Variants in QTMAN observed in about 807,000 individuals in gnomAD.
QTMAN encodes the protein tRNA-queuosine alpha-mannosyltransferase.
At chr2:144,070,191 T>C in the QTMAN span, among the ~76,000 whole-genome samples, 1 of 152,262 alleles carries the variant, frequency 6.6e-6, no homozygotes, top group South Asian at 2.1e-4. Context: ...AATTGCTACA[T>C]ATATTTTTCC....
chr2:143,965,568 A>G, the QTMAN span, among the ~76,000 whole-genome samples: 1 of 152,166 alleles, frequency 6.6e-6, no homozygotes, highest in Non-Finnish European at 1.5e-5. Context: ...CCCACAAATC[A>G]GAGTTTCTCA....
At chr2:144,149,054 T>A in the QTMAN span, among the ~76,000 whole-genome samples, 1 of 151,894 alleles carries the variant, frequency 6.6e-6, no homozygotes, top group Non-Finnish European at 1.5e-5. Flanking sequence ...ATGCAGGTGA[T>A]CCATAGGCAA....
At chr2:144,301,582 T>C in the QTMAN span, among the ~76,000 whole-genome samples, 2 of 152,204 alleles carry the variant, frequency 1.3e-5, no homozygotes, top group Admixed American at 1.3e-4. Context: ...ATTTCCTAAA[T>C]AGCATTTCCA....
the QTMAN span, among the ~76,000 whole-genome samples, chr2:144,065,384 C>T: frequency 6.6e-6 from 1 of 152,204 alleles, no homozygotes; most frequent in Non-Finnish European, 1.5e-5. Flanking sequence ...CAGGTTGACC[C>T]AAATGGACTG....
At chr2:144,033,016 T>C in the QTMAN span, among the ~76,000 whole-genome samples, 1 of 152,166 alleles carries the variant, frequency 6.6e-6, no homozygotes, top group Non-Finnish European at 1.5e-5. Flanking sequence ...ATGGAAAAGA[T>C]GATGTGAAAA....
the QTMAN span, among the ~76,000 whole-genome samples, chr2:144,256,741 T>C: frequency 3.3e-5 from 5 of 151,902 alleles, no homozygotes; most frequent in African/African-American, 9.7e-5. Context: ...GGAAAGGCAT[T>C]AGGAAAAATA....
At chr2:144,112,621 C>T in the QTMAN span, among the ~76,000 whole-genome samples, 4 of 152,230 alleles carry the variant, frequency 2.6e-5, no homozygotes, top group Non-Finnish European at 5.9e-5. Flanking sequence ...GCGAAAACCA[C>T]GCCCTAACCC....
the QTMAN span, among the ~76,000 whole-genome samples, chr2:144,072,403 T>A: frequency 6.6e-6 from 1 of 152,202 alleles, no homozygotes; most frequent in African/African-American, 2.4e-5. Context: ...AGGATACATA[T>A]TTTCAGTTAC....
chr2:144,077,912 T>C, the QTMAN span, among the ~76,000 whole-genome samples: 1 of 152,238 alleles, frequency 6.6e-6, no homozygotes, highest in Non-Finnish European at 1.5e-5. Flanking sequence ...GTTTTACGTA[T>C]CTGAAGTGCA....
At chr2:143,990,054 T>C in the QTMAN span, among the ~76,000 whole-genome samples, 1 of 152,128 alleles carries the variant, frequency 6.6e-6, no homozygotes. Flanking sequence ...TGTGGGGGGC[T>C]TGCACATGGG....
At chr2:143,982,907 A>G in the QTMAN span, among the ~76,000 whole-genome samples, 1 of 151,648 alleles carries the variant, frequency 6.6e-6, no homozygotes, top group African/African-American at 2.4e-5. Context: ...GAGAATAACC[A>G]ATTACTTTAG....
the QTMAN span, among the ~76,000 whole-genome samples, chr2:144,234,101 C>T: frequency 8.8e-3 from 1,336 of 152,194 alleles, 14 homozygotes; most frequent in African/African-American, 0.03. Flanking sequence ...ATTAAATAAT[C>T]TGATGAAAAG....
chr2:144,199,446 G>A, the QTMAN span, among the ~76,000 whole-genome samples: 66 of 152,252 alleles, frequency 4.3e-4, no homozygotes, highest in Non-Finnish European at 7.4e-4. Flanking sequence ...ATACATACAT[G>A]TCCTATGTCC....
At chr2:144,270,447 C>A in the QTMAN span, among the ~76,000 whole-genome samples, 68 of 152,294 alleles carry the variant, frequency 4.5e-4, no homozygotes, top group Non-Finnish European at 8.4e-4. Context: ...AAACGCGGCA[C>A]ATATAAACCA....
At chr2:144,292,782 G>A in the QTMAN span, among the ~76,000 whole-genome samples, 1 of 151,984 alleles carries the variant, frequency 6.6e-6, no homozygotes, top group African/African-American at 2.4e-5. Flanking sequence ...GAAGAAATAA[G>A]ACTTTTATGT....
At chr2:144,254,709 T>C in the QTMAN span, among the ~76,000 whole-genome samples, 11 of 152,028 alleles carry the variant, frequency 7.2e-5, no homozygotes, top group African/African-American at 2.4e-4. Flanking sequence ...ACTGTGTACC[T>C]AGAAAAGCCA....
the QTMAN span, among the ~76,000 whole-genome samples, chr2:144,116,542 A>C: frequency 6.6e-6 from 1 of 152,208 alleles, no homozygotes; most frequent in East Asian, 1.9e-4. Context: ...ACTCCCGTAC[A>C]CAATGCCTTC....
chr2:143,976,911 A>G, the QTMAN span, among the ~76,000 whole-genome samples: 1 of 152,200 alleles, frequency 6.6e-6, no homozygotes. Flanking sequence ...ACAGTCCAGA[A>G]AGAACTGGCT....
the QTMAN span, among the ~76,000 whole-genome samples, chr2:144,091,662 C>A: frequency 6.6e-6 from 1 of 152,092 alleles, no homozygotes; most frequent in Non-Finnish European, 1.5e-5. Context: ...ACCATATGAT[C>A]CCGCTATTCC....
Sources: allele counts gnomAD v4.1 joint callset (sites outside exome capture counted in the v4.1 genomes callset), GRCh38; gene constraint gnomAD v4.1.1; transcripts MANE v1.5; gene names NCBI Gene and HGNC (gene_info 2026-07-23, HGNC 2026-07-21).